The following CAMK2B variants were observed in gnomAD, a reference collection of about 807,000 sequenced individuals.
The protein encoded by CAMK2B is calcium/calmodulin dependent protein kinase II beta.
Under a neutral mutation model 93.7 loss-of-function variants are expected in CAMK2B, and 27 were observed. The observed-to-expected ratio is 0.29, with a 90% CI of 0.21 to 0.40. The LOEUF (loss-of-function observed/expected upper bound fraction) is 0.40, where lower values mean the gene tolerates loss of function less well. CAMK2B is among the 10% of genes least tolerant of loss of function. The probability of loss-of-function intolerance (pLI) is 1.00; values close to 1 mark genes in which losing one functional copy is unlikely to be tolerated. For missense variants in CAMK2B, 568 were observed against 895.8 expected (o/e 0.63, Z 4.67); for synonymous variants, 374 against 358.8 (o/e 1.04, Z -0.48).
At chr7:44,316,080 CT>C (rs527290858) in intron 1 of CAMK2B, among the ~76,000 whole-genome samples, 14 of 152,170 alleles carry the variant, frequency 9.2e-5, no homozygotes, top group Non-Finnish European at 2.1e-4. Flanking sequence ...TGGCTAGAAT[CT>C]CCTATACCGT....
At chr7:44,234,367 G>A in intron 15 of CAMK2B, 23 bp downstream of exon 15, 1 of 1,492,678 alleles carries the variant, frequency 6.7e-7, no homozygotes. Flanking sequence ...GGGCTGAGAG[G>A]CAGAATTTGA....
At chr7:44,232,934 A>G in intron 15 of CAMK2B, 68 bp from the exon 16 acceptor site, 1 of 1,407,872 alleles carries the variant, frequency 7.1e-7, no homozygotes, top group Non-Finnish European at 1.0e-6. Flanking sequence ...AGCGGAGACC[A>G]CCAGGAGGGG....
At chr7:44,308,314 T>C (rs962797082) in intron 1 of CAMK2B, among the ~76,000 whole-genome samples, 3 of 152,174 alleles carry the variant, frequency 2.0e-5, no homozygotes, top group Non-Finnish European at 4.4e-5. Context: ...GAAGTGCCCA[T>C]GGTAGGTGGA....
chr7:44,246,734 G>GCA (rs1003779895), intron 6 of CAMK2B, among the ~76,000 whole-genome samples: 13 of 152,052 alleles, frequency 8.5e-5, no homozygotes, highest in African/African-American at 3.1e-4. Context: ...ACACACATGT[G>GCA]CACACACACT....
chr7:44,242,070 G>T, intron 10 of CAMK2B, 148 bp downstream of exon 10: 3 of 919,132 alleles, frequency 3.3e-6, no homozygotes, highest in Non-Finnish European at 4.9e-6. Flanking sequence ...TATGTCCCAA[G>T]CCAGAGGCCA....
intron 1 of CAMK2B, among the ~76,000 whole-genome samples, chr7:44,315,326 A>G (rs1794598748): frequency 6.6e-6 from 1 of 152,130 alleles, no homozygotes; most frequent in African/African-American, 2.4e-5. Flanking sequence ...TGTTGAATGG[A>G]CCGTTATTCT....
chr7:44,223,372 C>A (rs1309564559), intron 20 of CAMK2B, among the ~76,000 whole-genome samples: 1 of 152,172 alleles, frequency 6.6e-6, no homozygotes, highest in Non-Finnish European at 1.5e-5. Flanking sequence ...AGTTCCCACC[C>A]ACCTGGTGGA....
At position 44,247,017 on chromosome 7, in the gene CAMK2B, A is replaced by C. The variant is rs1220169614; in HGVS notation, c.414+103T>G. On this transcript the variant is annotated intron_variant, in intron 6 of 23. Transcript: ENST00000395749. ...ACACACACATACACCTCACCCCTCC[A>C]AGCTCCACAGTGCCACACACTGTCC... The C allele has an allele frequency of 1.1e-5, 10 of 892,208 alleles. No individual in the cohort carries two copies. In the Admixed American group the frequency reaches 2.1e-4, roughly 18 times the overall value. The allele number at this position is 892,208 out of a possible 1,614,324, so 55.3% of individuals were successfully genotyped here. A position where few individuals can be genotyped will look rare whatever the true frequency, so the allele number is the denominator to read the frequency against.
At position 44,240,755 on chromosome 7, in the gene CAMK2B, G is replaced by A; in HGVS notation, c.904-6C>T. Reference sequence around the variant, plus strand: ...ATGGTGGTGAGGATGGCTCCCTGGGGAGAGACACAGATAAAACCGGGGCTA... The same window carrying A: ...ATGGTGGTGAGGATGGCTCCCTGGGAAGAGACACAGATAAAACCGGGGCTA... On this transcript the variant is annotated splice_region_variant and splice_polypyrimidine_tract_variant and intron_variant, in intron 11 of 23. Transcript: ENST00000395749. 6.2e-7 allele frequency: 1 copy of A among 1,613,714 alleles called. No homozygotes were observed. The highest frequency in any genetic ancestry group is 8.5e-7 in the Non-Finnish European group (1 of 1,179,892).
chr7:44,321,265 C>T (rs535127786), intron 1 of CAMK2B, among the ~76,000 whole-genome samples: 4 of 152,286 alleles, frequency 2.6e-5, no homozygotes, highest in African/African-American at 7.2e-5. Flanking sequence ...GTGTGCCTCT[C>T]GGCAGAAGGC....
chr7:44,239,642 G>T lies in CAMK2B; in HGVS notation c.968C>A (p.Pro323Gln). 1 of 1,550,394 alleles carries T rather than the reference G, an allele frequency of 6.4e-7. No homozygotes were observed. The highest frequency in any genetic ancestry group is 8.7e-7 in the Non-Finnish European group (1 of 1,146,840). ...NFSVGRQTTA[P>Q]ATMSTAASGT... ...GGAGGCCGCGGTGGACATTGTGGCC[G>T]GAGCGGTGGTCTGTCTGCCCACTGT... is the stretch of plus-strand genomic sequence containing the variant. The change falls in exon 13 of 24, where the codon CCG becomes CAG. Residue 323 changes from proline (P) to glutamine (Q), a missense_variant. Transcript: ENST00000395749.
chr7:44,229,147 C>A, intron 18 of CAMK2B: 1 of 626,840 alleles, frequency 1.6e-6, no homozygotes, highest in South Asian at 1.9e-5. Flanking sequence ...AGGCCCGAGC[C>A]TCCAGGGCCT....
intron 13 of CAMK2B, among the ~76,000 whole-genome samples, chr7:44,236,106 C>T (rs945836406): frequency 1.3e-5 from 2 of 152,238 alleles, no homozygotes; most frequent in South Asian, 2.1e-4. Context: ...TAAGCCCTCC[C>T]GGTGGTTCTG....
chr7:44,231,709 G>A (rs1252591534), intron 16 of CAMK2B, among the ~76,000 whole-genome samples: 5 of 152,184 alleles, frequency 3.3e-5, no homozygotes, highest in African/African-American at 1.2e-4. Context: ...GGGACTGGAC[G>A]TCCAGTCAGG....
chr7:44,222,841 G>GC (rs2096428012), intron 20 of CAMK2B, among the ~76,000 whole-genome samples: 3 of 192 alleles, frequency 0.016, no homozygotes, highest in African/African-American at 0.058. Context: ...CACCTGGCAG[G>GC]TGACTGAGTC....
At chr7:44,291,164 C>T (rs1372214162) in intron 1 of CAMK2B, among the ~76,000 whole-genome samples, 1 of 152,180 alleles carries the variant, frequency 6.6e-6, no homozygotes, top group African/African-American at 2.4e-5. Flanking sequence ...CCTGTGGATG[C>T]CTGCTTGGTA....
In CAMK2B at chr7:44,248,634, G is replaced by T. The variant is rs954321708; in HGVS notation, c.342-1442C>A. On this transcript the variant is annotated intron_variant, in intron 5 of 23. Coordinates refer to ENST00000395749, the MANE Select transcript of CAMK2B (RefSeq NM_001220.5). The surrounding 1 kb of genome is among the most constrained non-coding windows in gnomAD (Gnocchi z 4.1). ...TCCTTGGGGACAGGAGGGTGACCAGGGTCAGCAAGATGAGTGGGCTTTGTT... is the reference window on the plus strand; with the variant it reads ...TCCTTGGGGACAGGAGGGTGACCAGTGTCAGCAAGATGAGTGGGCTTTGTT... 6.6e-6 allele frequency among the ~76,000 whole-genome samples: 1 copy of T among 152,178 alleles called. No individual in the cohort carries two copies. Among genetic ancestry groups the T allele is most frequent in the Non-Finnish European group, 1.5e-5 (1 of 68,028 alleles).
At chr7:44,298,133 A>G (rs2129167352) in intron 1 of CAMK2B, among the ~76,000 whole-genome samples, 1 of 152,274 alleles carries the variant, frequency 6.6e-6, no homozygotes, top group African/African-American at 2.4e-5. Flanking sequence ...CAAAAACAAA[A>G]CAAAACAAAA....
chr7:44,237,292 C>T (rs2096635081), intron 13 of CAMK2B, among the ~76,000 whole-genome samples: 1 of 152,242 alleles, frequency 6.6e-6, no homozygotes, highest in Non-Finnish European at 1.5e-5. Flanking sequence ...TCAAAACCTG[C>T]ATTTCCAAAC....
Sources: allele counts gnomAD v4.1 joint callset (sites outside exome capture counted in the v4.1 genomes callset), GRCh38; gene constraint gnomAD v4.1.1; non-coding constraint Gnocchi (gnomAD v3.1); transcripts MANE v1.5; gene names NCBI Gene and HGNC (gene_info 2026-07-23, HGNC 2026-07-21).